NEGR1: variants seen among roughly 807,000 people sequenced by gnomAD.
The protein encoded by NEGR1 is neuronal growth regulator 1, also known as IgLON family member 4.
NEGR1 carries 10 observed loss-of-function variants against 40.9 expected under a neutral mutation model. The ratio of observed to expected loss-of-function variants is 0.24; its 90% confidence interval spans 0.15 to 0.42. NEGR1 has a LOEUF of 0.42. NEGR1 is among the 10% of genes least tolerant of loss of function. The probability of loss-of-function intolerance (pLI) is 1.00; values close to 1 mark genes in which losing one functional copy is unlikely to be tolerated. For synonymous variants in NEGR1, 185 were observed against 166.8 expected (o/e 1.11, Z -0.84); for missense variants, 352 against 438.9 (o/e 0.80, Z 1.77).
chr1:71,513,384 G>A (rs528474981), intron 6 of NEGR1, among the ~76,000 whole-genome samples: 86 of 152,168 alleles, frequency 5.7e-4, no homozygotes, highest in African/African-American at 2.0e-3. Flanking sequence ...TCAGTTTTGT[G>A]GGACCAGAAA....
intron 6 of NEGR1, among the ~76,000 whole-genome samples, chr1:71,474,065 C>T (rs758961337): frequency 2.0e-5 from 3 of 151,888 alleles, no homozygotes; most frequent in Non-Finnish European, 4.4e-5. Context: ...ATTGGGTTAA[C>T]ACAACTATCA....
At chr1:72,221,379 T>C (rs1250130825) in intron 1 of NEGR1, among the ~76,000 whole-genome samples, 6 of 152,102 alleles carry the variant, frequency 3.9e-5, no homozygotes, top group Non-Finnish European at 8.8e-5. Context: ...TTCAATCAAG[T>C]AGAATAAATT....
At chr1:71,526,746 G>A (rs1022986919) in intron 6 of NEGR1, among the ~76,000 whole-genome samples, 5 of 151,378 alleles carry the variant, frequency 3.3e-5, no homozygotes, top group African/African-American at 7.3e-5. Context: ...TCTTATTCAC[G>A]TTAATTAGAC....
chr1:71,666,148 C>A (rs1439986733), intron 4 of NEGR1, among the ~76,000 whole-genome samples: 1 of 152,178 alleles, frequency 6.6e-6, no homozygotes, highest in Non-Finnish European at 1.5e-5. Context: ...TTCAGATAAT[C>A]TGATTTTCTA....
chr1:72,202,598 G>A (rs1016515745), intron 1 of NEGR1, among the ~76,000 whole-genome samples: 3 of 152,002 alleles, frequency 2.0e-5, no homozygotes, highest in African/African-American at 7.2e-5. Context: ...TGGATAGAAG[G>A]TTAAGCCAAC....
intron 1 of NEGR1, among the ~76,000 whole-genome samples, chr1:72,005,741 A>G (rs1646600919): frequency 6.6e-6 from 1 of 152,138 alleles, no homozygotes; most frequent in Admixed American, 6.6e-5. Flanking sequence ...AGTGTCTACA[A>G]TATTTCAAAA....
intron 6 of NEGR1, among the ~76,000 whole-genome samples, chr1:71,444,186 A>C (rs1258245759): frequency 6.6e-6 from 1 of 152,144 alleles, no homozygotes; most frequent in Non-Finnish European, 1.5e-5. Flanking sequence ...AAAGCTTTGA[A>C]CTTTTACATG....
chr1:71,986,550 C>G (rs1318368884), intron 1 of NEGR1, among the ~76,000 whole-genome samples: 2 of 152,174 alleles, frequency 1.3e-5, no homozygotes, highest in African/African-American at 4.8e-5. Context: ...TTCTGCCTTC[C>G]TCCAAGAATA....
chr1:71,571,292 C>A (rs666873), intron 6 of NEGR1, among the ~76,000 whole-genome samples: 3,117 of 152,248 alleles, frequency 0.02, 107 homozygotes, highest in African/African-American at 0.071. Context: ...AAGGCACCAT[C>A]ACATTATTTA....
At chr1:72,020,816 A>T (rs1646749913) in intron 1 of NEGR1, among the ~76,000 whole-genome samples, 1 of 152,216 alleles carries the variant, frequency 6.6e-6, no homozygotes, top group South Asian at 2.1e-4. Context: ...TATTTAAATG[A>T]TGTAGCTATT....
chr1:71,632,860 C>T (rs1020377320), intron 4 of NEGR1, among the ~76,000 whole-genome samples: 1 of 151,766 alleles, frequency 6.6e-6, no homozygotes, highest in Non-Finnish European at 1.5e-5. Flanking sequence ...AAAGCATTTC[C>T]AAGATTATTT....
chr1:72,139,042 A>G (rs1239646582), intron 1 of NEGR1, among the ~76,000 whole-genome samples: 1 of 151,982 alleles, frequency 6.6e-6, no homozygotes, highest in Non-Finnish European at 1.5e-5. Flanking sequence ...TCAAATAAAG[A>G]AAGATATTTG....
rs371992064 is a variant in NEGR1 at position 71,809,763 on chromosome 1, C to T, written c.410-33466G>A. 1.5e-3 allele frequency among the ~76,000 whole-genome samples: 232 copies of T among 151,968 alleles called. 1 individual carries two copies. The highest frequency in any genetic ancestry group is 4.9e-3 in the African/African-American group (205 of 41,442). ...GTGTGTATGTGTGTGTATGTGTGCG[C>T]GCACATACACGTAGTAATTCACATG... On this transcript the variant is annotated intron_variant, in intron 2 of 6. Coordinates refer to ENST00000357731, the MANE Select transcript of NEGR1 (RefSeq NM_173808.3).
chr1:71,788,458 T>G (rs565256612), intron 2 of NEGR1, among the ~76,000 whole-genome samples: 1 of 152,242 alleles, frequency 6.6e-6, no homozygotes, highest in South Asian at 2.1e-4. Flanking sequence ...AAAAAAAAGT[T>G]GTGTTTTAAA....
intron 3 of NEGR1, among the ~76,000 whole-genome samples, chr1:71,711,818 T>C (rs1654102455): frequency 6.6e-6 from 1 of 152,204 alleles, no homozygotes; most frequent in Non-Finnish European, 1.5e-5. Flanking sequence ...TTCATACATA[T>C]GAAACATGGA....
chr1:72,114,464 A>AT (rs1350635061), intron 1 of NEGR1, among the ~76,000 whole-genome samples: 2 of 151,754 alleles, frequency 1.3e-5, no homozygotes, highest in Non-Finnish European at 2.9e-5. Flanking sequence ...GATAGGATAG[A>AT]TGATAATGAC....
chr1:71,945,364 CTT>C (rs541076580), intron 1 of NEGR1, among the ~76,000 whole-genome samples: 213 of 152,182 alleles, frequency 1.4e-3, no homozygotes, highest in African/African-American at 4.9e-3. Context: ...CTGTGGTTAA[CTT>C]TCTGTTTGAA....
chr1:72,072,685 A>C (rs1647519682), intron 1 of NEGR1, among the ~76,000 whole-genome samples: 1 of 152,126 alleles, frequency 6.6e-6, no homozygotes, highest in African/African-American at 2.4e-5. Flanking sequence ...TGTGTAACAC[A>C]AAGGCTGAGA....
intron 2 of NEGR1, among the ~76,000 whole-genome samples, chr1:71,820,775 A>T (rs1225124985): frequency 6.6e-6 from 1 of 152,002 alleles, no homozygotes; most frequent in African/African-American, 2.4e-5. Context: ...AAAGATAGCG[A>T]ATCAAAATCA....
Sources: gnomAD v4.1 joint callset for allele counts (sites outside exome capture counted in the v4.1 genomes callset) on GRCh38, gnomAD v4.1.1 for gene constraint, MANE v1.5 for transcripts, NCBI Gene and HGNC (gene_info 2026-07-23, HGNC 2026-07-21) for gene names.